GRHL2: variants seen among roughly 807,000 people sequenced by gnomAD.
GRHL2 encodes the protein grainyhead-like protein 2 homolog.
In GRHL2, 21 loss-of-function variants were observed where a neutral mutation model predicts 83.8. That is an observed-to-expected ratio of 0.25 (90% CI 0.18 to 0.36). The LOEUF (loss-of-function observed/expected upper bound fraction) is 0.36, where lower values mean the gene tolerates loss of function less well. Among genes scored for constraint, GRHL2 ranks in the 10% least tolerant of loss-of-function variants. GRHL2 has a pLI of 1.00. For missense variants in GRHL2, 623 were observed against 781.8 expected (o/e 0.80, Z 2.42); for synonymous variants, 280 against 278.9 (o/e 1.00, Z -0.04).
rs1208280062 is a variant in GRHL2, at chr8:101,506,454, T to G, written c.20+13665T>G. Among the ~76,000 whole-genome samples, 5 of 152,190 alleles carry G rather than the reference T, an allele frequency of 3.3e-5. No individual in the cohort carries two copies. The East Asian group carries it at 9.6e-4, about 29-fold the overall frequency. On this transcript the variant is annotated intron_variant, in intron 1 of 15. Coordinates refer to ENST00000646743, the MANE Select transcript of GRHL2 (RefSeq NM_024915.4). ...AAGAGTGTGCAAATTATGATTCTCT[T>G]TTTTACATCATTCATGCCATTCTGC...
At chr8:101,560,967 C>T (rs1299502912) in intron 4 of GRHL2, among the ~76,000 whole-genome samples, 5 of 151,744 alleles carry the variant, frequency 3.3e-5, no homozygotes, top group Non-Finnish European at 5.9e-5. Context: ...TTTCCATGAG[C>T]GACGGCATTT....
In GRHL2 at chr8:101,634,029, G is replaced by A. The variant is rs558624675; in HGVS notation, c.1485+1664G>A. Among the ~76,000 whole-genome samples, 316 of 152,248 alleles carry A rather than the reference G, an allele frequency of 2.1e-3. 1 individual carries two copies. Among genetic ancestry groups the A allele is most frequent in the African/African-American group, 7.2e-3 (299 of 41,540 alleles). On this transcript the variant is annotated intron_variant, in intron 11 of 15. Transcript: ENST00000646743. ...CAGTCCGCTGACCTCTCCTGCCCCC[G>A]GGTGTCATAAGCCCGGCTGTCAGCC...
chr8:101,640,648 T>A lies in GRHL2; in HGVS notation c.1518-3483T>A, dbSNP rs374259894. On this transcript the variant is annotated intron_variant, in intron 12 of 15. Coordinates refer to ENST00000646743, the MANE Select transcript of GRHL2 (RefSeq NM_024915.4). ...TTGGAAACCCCTCTTGCCCTGATCC[T>A]CTGTCCCCAGTGGGCCCCGCTGAGG... is the stretch of plus-strand genomic sequence containing the variant. Among the ~76,000 whole-genome samples the A allele has an allele frequency of 1.4e-4, 21 of 152,346 alleles. 1 individual carries two copies. In the East Asian group the frequency reaches 4.1e-3, roughly 29 times the overall value.
Position 101,640,200 on chromosome 8 carries a change from A to T in GRHL2, c.1517+3272A>T, listed in dbSNP as rs574761029. ...TTAGAAGTTCTTAACTTAAAATAAC[A>T]ATCTTTTAGAGTCTCAGTTTTCTCA... On this transcript the variant is annotated intron_variant, in intron 12 of 15. Transcript: ENST00000646743. 2.0e-5 allele frequency among the ~76,000 whole-genome samples: 3 copies of T among 152,350 alleles called. No individual in the cohort carries two copies. In the East Asian group the frequency reaches 5.8e-4, roughly 29 times the overall value.
At chr8:101,543,866 C>T (rs988499209) in intron 2 of GRHL2, 13 of 221,764 alleles carry the variant, frequency 5.9e-5, no homozygotes, top group African/African-American at 2.8e-4. Context: ...ATTGGACTTA[C>T]AGTTCCACAT....
intron 8 of GRHL2, among the ~76,000 whole-genome samples, chr8:101,617,823 A>G (rs948635241): frequency 9.2e-5 from 14 of 152,132 alleles, no homozygotes; most frequent in Non-Finnish European, 1.5e-5. Flanking sequence ...TTTAACATGC[A>G]GTCCGTTTCT....
At chr8:101,588,092 A>G (rs1812204261) in intron 7 of GRHL2, among the ~76,000 whole-genome samples, 1 of 152,034 alleles carries the variant, frequency 6.6e-6, no homozygotes, top group Non-Finnish European at 1.5e-5. Flanking sequence ...GCTTTTGGAA[A>G]GACATGTGTT....
At chr8:101,673,780 A>G (rs1814247529), downstream of GRHL2, among the ~76,000 whole-genome samples, 1 of 152,092 alleles carries the variant, frequency 6.6e-6, no homozygotes, top group Non-Finnish European at 1.5e-5. Flanking sequence ...CACCACACCT[A>G]TTCCAAAATT....
chr8:101,564,825 A>C (rs1181632620), intron 4 of GRHL2, among the ~76,000 whole-genome samples: 1 of 151,390 alleles, frequency 6.6e-6, no homozygotes. Flanking sequence ...AAAAAAAAAA[A>C]AAAAACCACT....
At chr8:101,596,181 CAA>C (rs1234956838) in intron 7 of GRHL2, among the ~76,000 whole-genome samples, 1 of 151,342 alleles carries the variant, frequency 6.6e-6, no homozygotes, top group East Asian at 1.9e-4. Flanking sequence ...TGAAGAAATA[CAA>C]AGAGTCAAAA....
At chr8:101,620,690 T>C (rs570427978) in intron 9 of GRHL2, among the ~76,000 whole-genome samples, 3 of 152,218 alleles carry the variant, frequency 2.0e-5, no homozygotes, top group Admixed American at 6.5e-5. Flanking sequence ...TGAGGGAAAG[T>C]AATGGGGCCA....
intron 8 of GRHL2, among the ~76,000 whole-genome samples, chr8:101,599,527 G>A (rs1812467034): frequency 1.3e-5 from 2 of 152,198 alleles, no homozygotes; most frequent in South Asian, 4.1e-4. Flanking sequence ...AAGCTACTGG[G>A]TAGACCCCTG....
intron 8 of GRHL2, among the ~76,000 whole-genome samples, chr8:101,605,986 C>A (rs558695869): frequency 1.3e-5 from 2 of 152,060 alleles, no homozygotes; most frequent in African/African-American, 4.8e-5. Context: ...TATATTTTTT[C>A]TGTTATGAAT....
At chr8:101,613,492 T>C (rs1156712332) in intron 8 of GRHL2, among the ~76,000 whole-genome samples, 1 of 150,876 alleles carries the variant, frequency 6.6e-6, no homozygotes, top group East Asian at 1.9e-4. Flanking sequence ...AGAGAGAAGA[T>C]ATTAAATCAC....
chr8:101,629,524 A>G (rs1219018179), intron 9 of GRHL2, among the ~76,000 whole-genome samples: 2 of 152,094 alleles, frequency 1.3e-5, no homozygotes, highest in Non-Finnish European at 2.9e-5. Flanking sequence ...ATAAATCTTG[A>G]AACAGATTAA....
At chr8:101,675,649 G>A in the GRHL2 span, among the ~76,000 whole-genome samples, 1 of 152,130 alleles carries the variant, frequency 6.6e-6, no homozygotes. Context: ...GTAATTTATA[G>A]ACTCAACGCC....
chr8:101,552,774 G>T lies in GRHL2; in HGVS notation c.276G>T (p.Gln92His). Residue 92 changes from glutamine (Q) to histidine (H), a missense_variant, in exon 3 of 16, where the codon CAG becomes CAT. By Grantham distance (24) the Gln-to-His change is conservative. Coordinates refer to ENST00000646743, the MANE Select transcript of GRHL2 (RefSeq NM_024915.4). ...VSKASDSQEDQEKRNCLGTSE... is the reference protein window; with the variant it reads ...VSKASDSQEDHEKRNCLGTSE... ...AAGCAAGTGACAGCCAAGAAGACCA[G>T]GAGAAAAGGTAAAGGAATTTGCCTG... The T allele has an allele frequency of 6.2e-7, 1 of 1,613,914 alleles. No individual in the cohort carries two copies. Among genetic ancestry groups the T allele is most frequent in the South Asian group, 1.1e-5 (1 of 91,026 alleles).
downstream of GRHL2, among the ~76,000 whole-genome samples, chr8:101,673,914 C>T (rs184920292): frequency 1.1e-4 from 16 of 152,092 alleles, no homozygotes; most frequent in African/African-American, 2.4e-4. Flanking sequence ...CATTCAAAAC[C>T]GCTTGACTAC....
intron 7 of GRHL2, among the ~76,000 whole-genome samples, chr8:101,592,398 C>T (rs539205173): frequency 2.2e-4 from 34 of 152,210 alleles, no homozygotes; most frequent in African/African-American, 6.5e-4. Flanking sequence ...CCACCATGCC[C>T]GGCCAGATAT....
Sources: allele counts gnomAD v4.1 joint callset (sites outside exome capture counted in the v4.1 genomes callset), GRCh38; gene constraint gnomAD v4.1.1; transcripts MANE v1.5; gene names NCBI Gene and HGNC (gene_info 2026-07-23, HGNC 2026-07-21).